The following TRIO variants were observed in gnomAD, a reference collection of about 807,000 sequenced individuals.
The protein encoded by TRIO is trio Rho guanine nucleotide exchange factor, also known as triple functional domain protein.
Under a neutral mutation model 351.9 loss-of-function variants are expected in TRIO, and 58 were observed. The ratio of observed to expected loss-of-function variants is 0.16; its 90% CI spans 0.13 to 0.21. The LOEUF (loss-of-function observed/expected upper bound fraction) is 0.21, where lower values mean the gene tolerates loss of function less well. Among genes scored for constraint, TRIO ranks in the 10% least tolerant of loss-of-function variants. TRIO has a pLI of 1.00. For missense variants in TRIO, 3,201 were observed against 4,027.8 expected (o/e 0.79, Z 5.56); for synonymous variants, 1,758 against 1,595.7 (o/e 1.10, Z -2.42).
intron 53 of TRIO, among the ~76,000 whole-genome samples, chr5:14,499,426 A>G (rs1352123881): frequency 6.6e-6 from 1 of 152,250 alleles, no homozygotes; most frequent in African/African-American, 2.4e-5. Context: ...CCGGCCATGC[A>G]GTACTGGGCT....
Position 14,465,625 on chromosome 5 carries a change from C to T in TRIO, c.5748C>T (p.Leu1916=), listed in dbSNP as rs370130105. The change falls in exon 37 of 57, where the codon CTC becomes CTT. Residue 1916 remains leucine, a synonymous_variant. Coordinates refer to ENST00000344204, the MANE Select transcript of TRIO (RefSeq NM_007118.4). Reference sequence around the variant, plus strand: ...AGCTCGTCAGTGCAATTGAGGAACTCGTGAAAAGCAAGATGGTGAGGCCTC... The same window carrying T: ...AGCTCGTCAGTGCAATTGAGGAACTTGTGAAAAGCAAGATGGTGAGGCCTC... ...AAELVSAIEE[L]VKSKMALEDR... 3.7e-5 allele frequency: 59 copies of T among 1,613,940 alleles called. No homozygotes were observed. Among genetic ancestry groups the T allele is most frequent in the Non-Finnish European group, 4.8e-5 (57 of 1,180,028 alleles).
intron 31 of TRIO, among the ~76,000 whole-genome samples, chr5:14,404,703 C>G (rs1011079861): frequency 1.5e-4 from 23 of 152,178 alleles, no homozygotes; most frequent in Non-Finnish European, 2.8e-4. Flanking sequence ...ATTGGTTTTC[C>G]TGCTGTCCTA....
intron 1 of TRIO, among the ~76,000 whole-genome samples, chr5:14,163,376 T>C (rs1443600521): frequency 2.6e-5 from 4 of 152,204 alleles, no homozygotes; most frequent in Admixed American, 2.0e-4. Flanking sequence ...CTGCATAGTA[T>C]TCTATGGTGT....
chr5:14,322,989 G>C (rs1740024286), intron 9 of TRIO, among the ~76,000 whole-genome samples: 1 of 152,228 alleles, frequency 6.6e-6, no homozygotes, highest in East Asian at 1.9e-4. Flanking sequence ...GCACAGAGGA[G>C]GTGGGACTGG....
chr5:14,216,778 C>A (rs557598991), intron 1 of TRIO, among the ~76,000 whole-genome samples: 1 of 152,364 alleles, frequency 6.6e-6, no homozygotes, highest in Admixed American at 6.5e-5. Flanking sequence ...CTCCAAGGGT[C>A]CTGAACCTGG....
At chr5:14,393,900 A>G in intron 27 of TRIO, 138 bp from the exon 28 acceptor site, 1 of 493,244 alleles carries the variant, frequency 2.0e-6, no homozygotes. Flanking sequence ...AAAGCCTCTT[A>G]GGAAAAGGAA....
intron 38 of TRIO, 91 bp downstream of exon 38, chr5:14,471,557 T>C (rs27091): frequency 3.2e-6 from 5 of 1,552,486 alleles, no homozygotes; most frequent in Non-Finnish European, 4.4e-6. Context: ...CAGCTCTGAA[T>C]TACCGAGATG....
In TRIO at chr5:14,497,898, A is replaced by G. The variant is rs749704821; in HGVS notation, c.8047+24A>G. On this transcript the variant is annotated intron_variant, in intron 51 of 56. Transcript: ENST00000344204. The surrounding 1 kb of genome is among the most constrained non-coding windows in gnomAD (Gnocchi z 4.4). ...CGGTGAGTTCTGTTCTTTTTCTTCT[A>G]GTCCTAGAGATGATTCTAGACCTGT... is the stretch of plus-strand genomic sequence containing the variant. 1.9e-6 allele frequency: 3 copies of G among 1,614,014 alleles called. No individual in the cohort carries two copies. The highest frequency in any genetic ancestry group is 2.2e-5 in the South Asian group (2 of 91,086).
intron 54 of TRIO, 104 bp from the exon 55 acceptor site, chr5:14,504,289 C>A (rs1757503561): frequency 2.3e-6 from 3 of 1,284,840 alleles, no homozygotes; most frequent in African/African-American, 1.5e-5. Context: ...GGCCTCTGGA[C>A]AGGGCTGGGC....
intron 1 of TRIO, among the ~76,000 whole-genome samples, chr5:14,230,510 A>G (rs1793347844): frequency 6.6e-6 from 1 of 152,132 alleles, no homozygotes; most frequent in Non-Finnish European, 1.5e-5. Flanking sequence ...GAGTGGTTAC[A>G]TGTGGGGATC....
chr5:14,360,773 T>G (rs1744077742), intron 13 of TRIO, among the ~76,000 whole-genome samples: 1 of 152,266 alleles, frequency 6.6e-6, no homozygotes. Flanking sequence ...ATGCCTTTGC[T>G]TGGCCACTTG....
At chr5:14,402,884 G>A (rs1031735836) in intron 31 of TRIO, among the ~76,000 whole-genome samples, 2 of 151,836 alleles carry the variant, frequency 1.3e-5, no homozygotes, top group African/African-American at 4.8e-5. Flanking sequence ...ATGGTGGTGA[G>A]GGTTTAGGTG....
chr5:14,488,284 C>T, intron 48 of TRIO, 24 bp downstream of exon 48: 1 of 1,527,188 alleles, frequency 6.5e-7, no homozygotes, highest in African/African-American at 1.4e-5. Context: ...GGGGCCCGCG[C>T]CCTCCCGCCC....
chr5:14,399,823 G>A (rs1000528609), intron 30 of TRIO, among the ~76,000 whole-genome samples: 14 of 152,104 alleles, frequency 9.2e-5, no homozygotes, highest in East Asian at 1.9e-4. Flanking sequence ...ATGCAGGGTC[G>A]CTGGGCAGGG....
intron 1 of TRIO, among the ~76,000 whole-genome samples, chr5:14,170,398 C>A (rs1342690277): frequency 6.6e-6 from 1 of 152,040 alleles, no homozygotes; most frequent in Non-Finnish European, 1.5e-5. Context: ...AACCCTCCAC[C>A]CTTCAGTTTA....
chr5:14,291,392 C>G (rs1239279840), intron 5 of TRIO, among the ~76,000 whole-genome samples, 164 bp downstream of exon 5: 1 of 151,870 alleles, frequency 6.6e-6, no homozygotes, highest in Admixed American at 6.6e-5. Flanking sequence ...AATCTGTTTT[C>G]CGGTTTTACT....
At chr5:14,317,701 C>T (rs1161930946) in intron 9 of TRIO, among the ~76,000 whole-genome samples, 5 of 152,176 alleles carry the variant, frequency 3.3e-5, no homozygotes, top group African/African-American at 9.7e-5. Context: ...ATTCAAAAGA[C>T]GTTGAATGGG....
At chr5:14,183,813 A>C in intron 1 of TRIO, 1 of 626,512 alleles carries the variant, frequency 1.6e-6, no homozygotes. Flanking sequence ...GGATATCTAG[A>C]GGTTGTTTGT....
intron 34 of TRIO, among the ~76,000 whole-genome samples, chr5:14,456,431 A>G (rs894716146): frequency 6.6e-6 from 1 of 152,248 alleles, no homozygotes; most frequent in African/African-American, 2.4e-5. Context: ...CAATGTGATC[A>G]TGAGCCGATT....
Sources: gnomAD v4.1 joint callset for allele counts (sites outside exome capture counted in the v4.1 genomes callset) on GRCh38, gnomAD v4.1.1 for gene constraint, Gnocchi (gnomAD v3.1) non-coding constraint, MANE v1.5 for transcripts, NCBI Gene and HGNC (gene_info 2026-07-23, HGNC 2026-07-21) for gene names.